CYP2R1: variants seen among roughly 807,000 people sequenced by gnomAD.
CYP2R1 encodes cytochrome P450 family 2 subfamily R member 1, also known as vitamin D 25-hydroxylase.
In CYP2R1, 40 loss-of-function variants were observed where a neutral mutation model predicts 45.7. The ratio of observed to expected loss-of-function variants is 0.87; its 90% CI spans 0.68 to 1.14. The LOEUF (loss-of-function observed/expected upper bound fraction) is 1.14. Among genes scored for constraint, CYP2R1 ranks in the 50% most tolerant of loss-of-function variants. The pLI is 0.00. For synonymous variants in CYP2R1, 234 were observed against 219.3 expected (o/e 1.07, Z -0.59); for missense variants, 605 against 602.6 (o/e 1.00, Z -0.04).
Position 14,880,620 on chromosome 11 carries a change from G to A in CYP2R1, c.516C>T (p.Tyr172=), listed in dbSNP as rs1555011857. 6.2e-7 allele frequency: 1 copy of A among 1,609,576 alleles called. No homozygotes were observed. Among genetic ancestry groups the A allele is most frequent in the East Asian group, 2.2e-5 (1 of 44,810 alleles). Residue 172 remains tyrosine (Y), a synonymous_variant, in exon 3 of 5, where the codon TAC becomes TAT. Coordinates refer to ENST00000334636, the MANE Select transcript of CYP2R1 (RefSeq NM_024514.5). ...GTTTAAAGTCAAAAGGTCTACCTTT[G>A]TATGTTTCAATAGCATCATTGAAAA... ...TKFFNDAIET[Y]KGRPFDFKQL...
chr11:14,889,616 T>C (rs1308140939), intron 1 of CYP2R1, among the ~76,000 whole-genome samples: 1 of 152,186 alleles, frequency 6.6e-6, no homozygotes, highest in African/African-American at 2.4e-5. Context: ...TAAAGAACCA[T>C]GGTTCCCTCA....
Position 14,886,563 on chromosome 11 carries a change from T to A in CYP2R1, c.226-646A>T, listed in dbSNP as rs544738876. ...CAGTTAAGGGGAAGGCAAAACAGGATCCATTCCATGCCTTGCTGGAGTTGT... is the reference window on the plus strand; with the variant it reads ...CAGTTAAGGGGAAGGCAAAACAGGAACCATTCCATGCCTTGCTGGAGTTGT... On this transcript the variant is annotated intron_variant, in intron 1 of 4. Coordinates refer to ENST00000334636, the MANE Select transcript of CYP2R1 (RefSeq NM_024514.5). 2.0e-5 allele frequency: 3 copies of A among 153,242 alleles called. No individual in the cohort carries two copies. The South Asian group carries it at 6.2e-4, about 32-fold the overall frequency. 9.5% of individuals were successfully genotyped at this position (153,242 alleles called of 1,614,324 possible). A position where few individuals can be genotyped will look rare whatever the true frequency, so the allele number is the denominator to read the frequency against.
At chr11:14,885,609 T>A (rs1326207615) in intron 2 of CYP2R1, among the ~76,000 whole-genome samples, 167 bp downstream of exon 2, 4 of 152,198 alleles carry the variant, frequency 2.6e-5, no homozygotes, top group African/African-American at 9.6e-5. Context: ...TGGTCTAAAA[T>A]ATGCGTGTAG....
At chr11:14,892,313 C>A, upstream of CYP2R1, 1 of 1,102,828 alleles carries the variant, frequency 9.1e-7, no homozygotes, top group East Asian at 2.6e-5. Flanking sequence ...CGCCCTAGCT[C>A]CGTGGCCATT....
intron 1 of CYP2R1, chr11:14,887,676 C>T: frequency 1.0e-6 from 1 of 982,890 alleles, no homozygotes; most frequent in East Asian, 1.1e-4. Flanking sequence ...CTCACCCAAA[C>T]CAGCCCTACT....
chr11:14,887,460 G>T, intron 1 of CYP2R1: 1 of 396,038 alleles, frequency 2.5e-6, no homozygotes, highest in Non-Finnish European at 3.4e-6. Context: ...TTTTGGTAAA[G>T]GTGTGTGACT....
Position 14,879,448 on chromosome 11 carries a change from C to T in CYP2R1, c.1001-5G>A. 6.3e-7 allele frequency: 1 copy of T among 1,594,952 alleles called. No individual in the cohort carries two copies. The highest frequency in any genetic ancestry group is 1.7e-5 in the Admixed American group (1 of 59,648). On this transcript the variant is annotated splice_polypyrimidine_tract_variant and splice_region_variant and intron_variant, in intron 3 of 4. Coordinates refer to ENST00000334636, the MANE Select transcript of CYP2R1 (RefSeq NM_024514.5). ...CAATCTCTTTCTGAACTTGTCCTGT[C>T]AGAGAAAAAGTATTCAAGTTATTAT...
chr11:14,892,411 C>T (rs551390589), upstream of CYP2R1, among the ~76,000 whole-genome samples: 2 of 152,290 alleles, frequency 1.3e-5, no homozygotes, highest in South Asian at 2.1e-4. Context: ...AGCGGGTGGC[C>T]GGTGCTACCC....
At position 14,892,098 on chromosome 11, in the gene CYP2R1, C is replaced by A; in HGVS notation, c.108G>T (p.Pro36=). ...CCGGCGGCCCCGGGGGGAAGCCCAT[C>A]GGCCGCCTCTGCTTCAGCAGCTGGC... ...GVRQLLKQRR[P]MGFPPGPPGL... Residue 36 remains proline, a synonymous_variant, in exon 1 of 5, where the codon CCG becomes CCT. Coordinates refer to ENST00000334636, the MANE Select transcript of CYP2R1 (RefSeq NM_024514.5). 1 of 1,611,622 alleles carries A rather than the reference C, an allele frequency of 6.2e-7. No homozygotes were observed. The highest frequency in any genetic ancestry group is 8.5e-7 in the Non-Finnish European group (1 of 1,179,648).
chr11:14,877,778 C>G lies in CYP2R1; in HGVS notation c.*344G>C, dbSNP rs1338549743. On this transcript the variant is annotated 3_prime_UTR_variant, in exon 5 of 5. Coordinates refer to ENST00000334636, the MANE Select transcript of CYP2R1 (RefSeq NM_024514.5). ...AGCTGGTTTCTGGAACCAAGGCCCC[C>G]CAGGACAGAAGGCAGATGGAGTCAA... 1 of 218,166 alleles carries G rather than the reference C, an allele frequency of 4.6e-6. No homozygotes were observed. The highest frequency in any genetic ancestry group is 2.3e-5 in the African/African-American group (1 of 43,160). 13.5% of individuals were successfully genotyped at this position (218,166 alleles called of 1,614,324 possible).
chr11:14,886,279 T>G lies in CYP2R1; in HGVS notation c.226-362A>C, dbSNP rs1266082563. ...GTATTGCCATAGAAAATATATTTGA[T>G]ATATATGCTCTTTTATGATTCATTT... On this transcript the variant is annotated intron_variant, in intron 1 of 4. Transcript: ENST00000334636. The G allele has an allele frequency of 1.5e-5, 3 of 205,490 alleles. No individual in the cohort carries two copies. In the South Asian group the frequency reaches 2.9e-4, roughly 20 times the overall value. The allele number at this position is 205,490 out of a possible 1,614,324, so 12.7% of individuals were successfully genotyped here.
intron 1 of CYP2R1, chr11:14,891,130 C>T (rs1848837210): frequency 4.1e-6 from 4 of 985,350 alleles, no homozygotes; most frequent in African/African-American, 1.7e-5. Context: ...ACTCCTGCCC[C>T]CTCCGGACGT....
chr11:14,884,362 T>C (rs1369892419), intron 2 of CYP2R1, among the ~76,000 whole-genome samples: 2 of 151,988 alleles, frequency 1.3e-5, no homozygotes, highest in Non-Finnish European at 2.9e-5. Context: ...TAAAAAATAA[T>C]GAGTTCATGT....
chr11:14,890,844 G>C, intron 1 of CYP2R1: 1 of 984,920 alleles, frequency 1.0e-6, no homozygotes, highest in Non-Finnish European at 1.2e-6. Context: ...CACCGCGCCC[G>C]GGCACCTAGA....
At position 14,880,530 on chromosome 11, in the gene CYP2R1, A is replaced by G. The variant is rs782443909; in HGVS notation, c.606T>C (p.Tyr202=). The G allele has an allele frequency of 1.9e-6, 3 of 1,613,542 alleles. No individual in the cohort carries two copies. The highest frequency in any genetic ancestry group is 4.5e-5 in the East Asian group (2 of 44,872). ...TCATGTGCTGAAAATCGGTGTCTTC[A>G]TAAGTGAATCGTTCTCCAAAAATGA... ...NLIIFGERFT[Y]EDTDFQHMIE... is the part of the protein sequence containing the mutation. The change falls in exon 3 of 5, where the codon TAT becomes TAC. Residue 202 remains tyrosine, a synonymous_variant. Transcript: ENST00000334636.
Position 14,880,614 on chromosome 11 carries a change from A to G in CYP2R1, c.522T>C (p.Gly174=). 6.2e-7 allele frequency: 1 copy of G among 1,610,164 alleles called. No homozygotes were observed. The highest frequency in any genetic ancestry group is 1.3e-5 in the African/African-American group (1 of 74,838). ...FFNDAIETYK[G]RPFDFKQLIT... ...TTAACTGTTTAAAGTCAAAAGGTCT[A>G]CCTTTGTATGTTTCAATAGCATCAT... is the stretch of plus-strand genomic sequence containing the variant. Residue 174 remains glycine, a synonymous_variant, in exon 3 of 5, where the codon GGT becomes GGC. Coordinates refer to ENST00000334636, the MANE Select transcript of CYP2R1 (RefSeq NM_024514.5).
At position 14,883,406 on chromosome 11, in the gene CYP2R1, C is replaced by T. The variant is rs549063196; in HGVS notation, c.367+2370G>A. ...ATATCTACAACTATCTGATCTTTGA[C>T]GAACCTGAGAAAAATAAGCAATGGG... On this transcript the variant is annotated intron_variant, in intron 2 of 4. Transcript: ENST00000334636. 4.9e-3 allele frequency among the ~76,000 whole-genome samples: 752 copies of T among 152,268 alleles called. 7 individuals are homozygous for T. The highest frequency in any genetic ancestry group is 0.017 in the African/African-American group (722 of 41,534).
intron 1 of CYP2R1, among the ~76,000 whole-genome samples, chr11:14,889,219 C>A (rs1314897153): frequency 3.5e-5 from 5 of 143,296 alleles, no homozygotes; most frequent in African/African-American, 1.3e-4. Flanking sequence ...CAGTGGAAAA[C>A]TAAGATTTTA....
Position 14,880,188 on chromosome 11 carries a change from G to A in CYP2R1, c.948C>T (p.Thr316=), listed in dbSNP as rs1355610430. 6.2e-7 allele frequency: 1 copy of A among 1,612,806 alleles called. No homozygotes were observed. The highest frequency in any genetic ancestry group is 2.2e-5 in the East Asian group (1 of 44,866). The change falls in exon 3 of 5, where the codon ACC becomes ACT. Residue 316 remains threonine (T), a synonymous_variant. Transcript: ENST00000334636. ...ELIIAGTETT[T]NVLRWAILFM... ...AAAGAATCGCCCACCGTAGCACATT[G>A]GTTGTAGTTTCAGTTCCAGCAATGA...
Sources: gnomAD v4.1 joint callset for allele counts (sites outside exome capture counted in the v4.1 genomes callset) on GRCh38, gnomAD v4.1.1 for gene constraint, MANE v1.5 for transcripts, NCBI Gene and HGNC (gene_info 2026-07-23, HGNC 2026-07-21) for gene names.